Variants in ATRN observed in about 807,000 individuals in gnomAD.
ATRN encodes attractin-2.
In ATRN, 54 loss-of-function variants were observed where a neutral mutation model predicts 178.7. That is an observed-to-expected ratio of 0.30 (90% CI 0.24 to 0.38). ATRN has a LOEUF of 0.38. Among genes scored for constraint, ATRN ranks in the 10% least tolerant of loss-of-function variants. The probability of loss-of-function intolerance (pLI) is 1.00; values close to 1 mark genes in which losing one functional copy is unlikely to be tolerated. For synonymous variants in ATRN, 636 were observed against 663.0 expected (o/e 0.96, Z 0.63); for missense variants, 1,443 against 1,815.1 (o/e 0.79, Z 3.73).
At chr20:3,541,141 G>A (rs545549139) in intron 3 of ATRN, among the ~76,000 whole-genome samples, 19 of 148,894 alleles carry the variant, frequency 1.3e-4, no homozygotes, top group South Asian at 4.3e-4. Flanking sequence ...GCAGTGGCGC[G>A]ATCTCGGCTC....
At chr20:3,625,459 C>T (rs1447635626) in intron 25 of ATRN, among the ~76,000 whole-genome samples, 1 of 152,174 alleles carries the variant, frequency 6.6e-6, no homozygotes, top group Non-Finnish European at 1.5e-5. Context: ...TCATTCTTTG[C>T]TTATCCTAAA....
At chr20:3,493,032 T>A (rs1301613362) in intron 1 of ATRN, among the ~76,000 whole-genome samples, 1 of 146,904 alleles carries the variant, frequency 6.8e-6, no homozygotes, top group African/African-American at 2.5e-5. Context: ...TCTATAATTA[T>A]ATAAAATATA....
intron 1 of ATRN, among the ~76,000 whole-genome samples, chr20:3,480,763 A>AGT (rs1427982015): frequency 6.6e-6 from 1 of 152,138 alleles, no homozygotes; most frequent in Non-Finnish European, 1.5e-5. Context: ...GAAAAAGGAG[A>AGT]GTGTGTGTTT....
chr20:3,514,674 C>G (rs1309207932), intron 1 of ATRN, among the ~76,000 whole-genome samples: 1 of 152,076 alleles, frequency 6.6e-6, no homozygotes, highest in Non-Finnish European at 1.5e-5. Context: ...GAAAATACTT[C>G]CTTGGCTGGG....
At chr20:3,574,954 A>G (rs1600121075) in intron 12 of ATRN, among the ~76,000 whole-genome samples, 1 of 108,174 alleles carries the variant, frequency 9.2e-6, no homozygotes, top group Non-Finnish European at 1.7e-5. Context: ...ATGGTTGTGC[A>G]GCTTCTCTCT....
rs997247524 is a variant in ATRN at position 3,559,431 on chromosome 20, G to A, written c.1151G>A (p.Arg384His). Residue 384 changes from arginine (R) to histidine (H), a missense_variant, in exon 7 of 29, where the codon CGT becomes CAT. By Grantham distance (29) the Arg-to-His change is conservative (BLOSUM62 0). This residue lies in a region of ATRN where 862 missense variants were observed against 972.1 expected (regional missense o/e 0.89). Coordinates refer to ENST00000262919, the MANE Select transcript of ATRN (RefSeq NM_139321.3). ...TCTAGGGAGTGGCTTCCACTAAACC[G>A]TTCTGTGAACAATGTGGTTGTTAGA... Reference protein sequence around the residue: ...LASREWLPLNRSVNNVVVRYG... With the variant: ...LASREWLPLNHSVNNVVVRYG... 1.5e-5 allele frequency: 24 copies of A among 1,613,906 alleles called. No individual in the cohort carries two copies. Among genetic ancestry groups the A allele is most frequent in the Non-Finnish European group, 1.7e-5 (20 of 1,179,854 alleles).
intron 3 of ATRN, among the ~76,000 whole-genome samples, chr20:3,541,573 G>A (rs534380399): frequency 6.6e-6 from 1 of 152,214 alleles, no homozygotes; most frequent in South Asian, 2.1e-4. Flanking sequence ...GCATCTTACT[G>A]TACTGAATAC....
chr20:3,475,162 A>G (rs936631775), intron 1 of ATRN, among the ~76,000 whole-genome samples: 6 of 152,168 alleles, frequency 3.9e-5, no homozygotes, highest in Non-Finnish European at 8.8e-5. Flanking sequence ...AAGACATTAA[A>G]TGAATACCTT....
chr20:3,543,803 C>G (rs780864593), intron 3 of ATRN, among the ~76,000 whole-genome samples: 3 of 151,838 alleles, frequency 2.0e-5, no homozygotes, highest in Non-Finnish European at 4.4e-5. Flanking sequence ...GAGGCCGAGG[C>G]AGGAGAATTA....
At chr20:3,507,941 G>T (rs1237291728) in intron 1 of ATRN, among the ~76,000 whole-genome samples, 1 of 151,908 alleles carries the variant, frequency 6.6e-6, no homozygotes, top group Non-Finnish European at 1.5e-5. Flanking sequence ...TTGACCTCGT[G>T]ATCCACCCGT....
At chr20:3,521,018 G>A (rs1037826866) in intron 1 of ATRN, among the ~76,000 whole-genome samples, 11 of 152,106 alleles carry the variant, frequency 7.2e-5, no homozygotes, top group African/African-American at 1.4e-4. Context: ...ATGAAACACC[G>A]CATGTTCTTG....
chr20:3,644,041 C>T lies in ATRN; in HGVS notation c.4051-113C>T, dbSNP rs937218776. ...TCATTATCTTAAAAACTGCAATGTA[C>T]CTTTTTTATATACCTGAAATTGATG... On this transcript the variant is annotated intron_variant, in intron 27 of 28. Coordinates refer to ENST00000262919, the MANE Select transcript of ATRN (RefSeq NM_139321.3). 3 of 767,914 alleles carry T rather than the reference C, an allele frequency of 3.9e-6. No homozygotes were observed. In the African/African-American group the frequency reaches 5.3e-5, roughly 13 times the overall value. The allele number at this position is 767,914 out of a possible 1,614,324, so 47.6% of individuals were successfully genotyped here. A position where few individuals can be genotyped will look rare whatever the true frequency, so the allele number is the denominator to read the frequency against.
intron 25 of ATRN, among the ~76,000 whole-genome samples, chr20:3,629,533 G>A (rs2086973935): frequency 6.6e-6 from 1 of 152,194 alleles, no homozygotes. Context: ...CCAACTCAGT[G>A]TCTCACAGTT....
At position 3,471,151 on chromosome 20, in the gene ATRN, G is replaced by A. The variant is rs749772588; in HGVS notation, c.44G>A (p.Arg15Lys). 1.3e-6 allele frequency: 2 copies of A among 1,507,316 alleles called. No homozygotes were observed. Among genetic ancestry groups the A allele is most frequent in the Middle Eastern group, 2.3e-4 (1 of 4,304 alleles). The allele number at this position is 1,507,316 out of a possible 1,614,324, so 93.4% of individuals were successfully genotyped here. ...GCAACTGAGGCAAGGCTGAGGAGGA[G>A]GACGGCGGCGACGGCAGCGCTCGCG... is the stretch of plus-strand genomic sequence containing the variant. ...AAATEARLRR[R>K]TAATAALAGR... is the part of the protein sequence containing the mutation. Residue 15 changes from arginine to lysine, a missense_variant, in exon 1 of 29, where the codon AGG (arginine) becomes AAG (lysine). Physicochemically the swap from Arg to Lys is conservative, Grantham distance 26 (BLOSUM62 2). This residue lies in a region of ATRN where 862 missense variants were observed against 972.1 expected (regional missense o/e 0.89). Transcript: ENST00000262919.
intron 26 of ATRN, among the ~76,000 whole-genome samples, chr20:3,637,116 A>G (rs1182107541): frequency 6.6e-6 from 1 of 152,162 alleles, no homozygotes; most frequent in Non-Finnish European, 1.5e-5. Flanking sequence ...TTTAGTATGG[A>G]GTTGGTCATC....
At chr20:3,476,004 G>A (rs895493035) in intron 1 of ATRN, among the ~76,000 whole-genome samples, 3 of 152,178 alleles carry the variant, frequency 2.0e-5, no homozygotes, top group African/African-American at 7.2e-5. Context: ...AGTTAGCTGG[G>A]TGTGTTGGCA....
At chr20:3,594,403 T>G in intron 19 of ATRN, 76 bp from the exon 20 acceptor site, 1 of 1,222,160 alleles carries the variant, frequency 8.2e-7, no homozygotes, top group Non-Finnish European at 1.1e-6. Flanking sequence ...ATAAAATTGC[T>G]TGTTTTGGAA....
intron 1 of ATRN, among the ~76,000 whole-genome samples, chr20:3,512,107 A>ATATATATATATATATATATTTTTTTTT: frequency 9.4e-6 from 1 of 106,388 alleles, no homozygotes; most frequent in African/African-American, 4.4e-5. Flanking sequence ...ATATATATAT[A>ATATATATATATATATATATTTTTTTTT]TTTTTTTTTT....
intron 8 of ATRN, 118 bp from the exon 9 acceptor site, chr20:3,562,158 A>G (rs1281047265): frequency 2.4e-6 from 2 of 827,132 alleles, no homozygotes; most frequent in Admixed American, 4.9e-5. Flanking sequence ...ATAAAGATAA[A>G]AAAGTATATG....
Sources: allele counts gnomAD v4.1 joint callset (sites outside exome capture counted in the v4.1 genomes callset), GRCh38; gene constraint gnomAD v4.1.1; regional missense constraint gnomAD v4.1.1; transcripts MANE v1.5; gene names NCBI Gene and HGNC (gene_info 2026-07-23, HGNC 2026-07-21).